Variants in ATRNL1 observed in about 807,000 individuals in gnomAD.
The protein encoded by ATRNL1 is attractin-like protein 1.
A neutral mutation model predicts 182.7 loss-of-function variants in ATRNL1; 95 were observed. The ratio of observed to expected loss-of-function variants is 0.52; its 90% CI spans 0.44 to 0.62. The LOEUF is 0.62. ATRNL1 is among the 20% of genes least tolerant of loss of function. The pLI, the probability that ATRNL1 is intolerant of heterozygous loss-of-function variation, is 0.00. For missense variants in ATRNL1, 1,471 were observed against 1,679.5 expected (o/e 0.88, Z 2.17); for synonymous variants, 576 against 568.3 (o/e 1.01, Z -0.19).
chr10:115,446,109 A>G (rs1846972147), intron 21 of ATRNL1, among the ~76,000 whole-genome samples: 1 of 151,946 alleles, frequency 6.6e-6, no homozygotes, highest in Admixed American at 6.6e-5. Context: ...GGTTTTCTTC[A>G]TCAACAGATT....
At chr10:115,871,843 T>C (rs1204226299) in intron 28 of ATRNL1, among the ~76,000 whole-genome samples, 2 of 152,174 alleles carry the variant, frequency 1.3e-5, no homozygotes, top group Non-Finnish European at 2.9e-5. Context: ...TTCCTGGACT[T>C]TGCCATTCTG....
At chr10:115,813,029 C>T (rs1555087474) in intron 27 of ATRNL1, among the ~76,000 whole-genome samples, 1 of 151,896 alleles carries the variant, frequency 6.6e-6, no homozygotes, top group Non-Finnish European at 1.5e-5. Context: ...AGGAGAATTC[C>T]CTAGCCAGAT....
At chr10:115,331,138 C>T (rs1236834768) in intron 18 of ATRNL1, among the ~76,000 whole-genome samples, 2 of 151,966 alleles carry the variant, frequency 1.3e-5, no homozygotes, top group African/African-American at 4.8e-5. Flanking sequence ...CGGCTCACTG[C>T]AACCTCCACC....
intron 8 of ATRNL1, among the ~76,000 whole-genome samples, chr10:115,183,798 A>G (rs1166527131): frequency 6.6e-6 from 1 of 151,566 alleles, no homozygotes; most frequent in African/African-American, 2.4e-5. Flanking sequence ...GAAACTTCCA[A>G]ATTTGTTTTA....
chr10:115,445,133 T>C (rs1243931695), intron 21 of ATRNL1, among the ~76,000 whole-genome samples: 3 of 151,696 alleles, frequency 2.0e-5, no homozygotes, highest in African/African-American at 7.3e-5. Context: ...TATTTCTGCT[T>C]AAGAGCACTT....
At chr10:115,549,748 GCAAA>G (rs1248020077) in intron 26 of ATRNL1, among the ~76,000 whole-genome samples, 4 of 151,778 alleles carry the variant, frequency 2.6e-5, no homozygotes, top group African/African-American at 4.8e-5. Context: ...TTGGTTTGTT[GCAAA>G]CAGTTTCTAA....
intron 24 of ATRNL1, among the ~76,000 whole-genome samples, chr10:115,508,821 G>A (rs1188733896): frequency 2.0e-5 from 3 of 152,026 alleles, no homozygotes; most frequent in African/African-American, 7.2e-5. Flanking sequence ...AGTAAGTGCT[G>A]ATATAGAAGA....
chr10:115,728,717 C>T lies in ATRNL1; in HGVS notation c.3903+1362C>T, dbSNP rs115367292. Reference sequence around the variant, plus strand: ...AAATGAAATATTGGGTGCATGTTTCCCTATGATTTTTAAGACATTTTGTGT... The same window carrying T: ...AAATGAAATATTGGGTGCATGTTTCTCTATGATTTTTAAGACATTTTGTGT... On this transcript the variant is annotated intron_variant, in intron 27 of 28. Coordinates refer to ENST00000355044, the MANE Select transcript of ATRNL1 (RefSeq NM_207303.4). Among the ~76,000 whole-genome samples the T allele has an allele frequency of 2.8e-3, 424 of 152,082 alleles. 6 individuals carry two copies. Among genetic ancestry groups the T allele is most frequent in the African/African-American group, 9.8e-3 (405 of 41,498 alleles).
chr10:115,835,881 C>T (rs1950658448), intron 27 of ATRNL1, among the ~76,000 whole-genome samples: 1 of 152,158 alleles, frequency 6.6e-6, no homozygotes, highest in African/African-American at 2.4e-5. Flanking sequence ...TGTGATACAA[C>T]TCTAAAGAAC....
chr10:115,576,795 A>C (rs1854739717), intron 26 of ATRNL1, among the ~76,000 whole-genome samples: 1 of 151,960 alleles, frequency 6.6e-6, no homozygotes, highest in South Asian at 2.1e-4. Context: ...GTGATACCCA[A>C]AAAAATTATT....
At chr10:115,222,104 C>T (rs1849490884) in intron 9 of ATRNL1, among the ~76,000 whole-genome samples, 1 of 151,966 alleles carries the variant, frequency 6.6e-6, no homozygotes. Flanking sequence ...AATATTAGGA[C>T]AGGCCTGGAT....
intron 11 of ATRNL1, among the ~76,000 whole-genome samples, 157 bp downstream of exon 11, chr10:115,265,434 C>T (rs192422814): frequency 6.6e-6 from 1 of 151,742 alleles, no homozygotes; most frequent in Non-Finnish European, 1.5e-5. Context: ...ATTTGTCAAT[C>T]ATATCTTTTT....
At chr10:115,697,450 C>T (rs782680650) in intron 26 of ATRNL1, among the ~76,000 whole-genome samples, 9 of 151,988 alleles carry the variant, frequency 5.9e-5, no homozygotes, top group South Asian at 2.1e-4. Flanking sequence ...CTCAGCCTCC[C>T]GAATAGCTGG....
chr10:115,599,779 G>A (rs1565202930), intron 26 of ATRNL1, among the ~76,000 whole-genome samples: 1 of 152,006 alleles, frequency 6.6e-6, no homozygotes, highest in Non-Finnish European at 1.5e-5. Context: ...TCTACACTAC[G>A]AAAACTGTCA....
At chr10:115,144,065 T>C (rs1264797) in intron 5 of ATRNL1, among the ~76,000 whole-genome samples, 106,299 of 150,378 alleles carry the variant, frequency 0.71, 38,306 homozygotes, top group African/African-American at 0.76. Context: ...CTGCAACCTC[T>C]GCCTCCCAGT....
chr10:115,167,824 C>T (rs1326988737), intron 7 of ATRNL1, among the ~76,000 whole-genome samples: 3 of 152,054 alleles, frequency 2.0e-5, no homozygotes, highest in African/African-American at 7.2e-5. Context: ...ATATACCATA[C>T]ATTTCACTCA....
chr10:115,406,358 C>A (rs547824874), intron 20 of ATRNL1, among the ~76,000 whole-genome samples: 2 of 152,096 alleles, frequency 1.3e-5, no homozygotes, highest in African/African-American at 4.8e-5. Flanking sequence ...TATCAGTATT[C>A]TTATATGTTT....
chr10:115,841,612 T>C (rs1425552695), intron 27 of ATRNL1, among the ~76,000 whole-genome samples: 1 of 152,170 alleles, frequency 6.6e-6, no homozygotes, highest in African/African-American at 2.4e-5. Flanking sequence ...TGGCTTCTAA[T>C]GCAATTTAAC....
intron 21 of ATRNL1, among the ~76,000 whole-genome samples, chr10:115,438,946 C>T (rs1846535784): frequency 6.6e-6 from 1 of 151,834 alleles, no homozygotes; most frequent in Non-Finnish European, 1.5e-5. Context: ...TTTTACTCTC[C>T]CTGAACTTAA....
Sources: gnomAD v4.1 joint callset for allele counts (sites outside exome capture counted in the v4.1 genomes callset) on GRCh38, gnomAD v4.1.1 for gene constraint, MANE v1.5 for transcripts, NCBI Gene and HGNC (gene_info 2026-07-23, HGNC 2026-07-21) for gene names.